RANBP2: variants seen among roughly 807,000 people sequenced by gnomAD.
The protein encoded by RANBP2 is E3 SUMO-protein ligase RanBP2.
A neutral mutation model predicts 303.6 loss-of-function variants in RANBP2; 57 were observed. The observed-to-expected ratio is 0.19, with a 90% CI of 0.15 to 0.23. The LOEUF is 0.23. Ranked by LOEUF, RANBP2 falls within the 10% of genes least tolerant of loss-of-function variation. The pLI is 1.00. For synonymous variants in RANBP2, 1,167 were observed against 1,301.5 expected, an observed-to-expected ratio of 0.90 and a Z score of 2.23; for missense variants, 3,138 against 3,780.8, an observed-to-expected ratio of 0.83 and a Z score of 4.46.
At chr2:109,737,423 C>T in the RANBP2 span, 504 of 654,456 alleles carry the variant, frequency 7.7e-4, 2 homozygotes, top group African/African-American at 3.8e-3. Context: ...GCAGCATCCA[C>T]GATTCCATCT....
the RANBP2 span, among the ~76,000 whole-genome samples, chr2:109,266,304 T>A: frequency 1.3e-5 from 2 of 151,588 alleles, no homozygotes; most frequent in East Asian, 3.9e-4. Flanking sequence ...GTGTATGTGT[T>A]GTGTGTGTGT....
the RANBP2 span, among the ~76,000 whole-genome samples, chr2:109,562,900 T>C: frequency 6.6e-6 from 1 of 151,628 alleles, no homozygotes; most frequent in Admixed American, 6.6e-5. Context: ...GTGGGTTAAG[T>C]ACACACAATG....
the RANBP2 span, among the ~76,000 whole-genome samples, chr2:108,839,605 T>C: frequency 6.6e-6 from 1 of 152,172 alleles, no homozygotes; most frequent in African/African-American, 2.4e-5. Context: ...CTTGTTTACC[T>C]TTTTGGCTGA....
At chr2:109,188,825 C>T in the RANBP2 span, among the ~76,000 whole-genome samples, 1 of 152,132 alleles carries the variant, frequency 6.6e-6, no homozygotes, top group Non-Finnish European at 1.5e-5. Flanking sequence ...ACTGTTCCTA[C>T]TTTCTAGGGT....
chr2:109,042,220 T>C, the RANBP2 span, among the ~76,000 whole-genome samples: 2 of 152,224 alleles, frequency 1.3e-5, no homozygotes, highest in African/African-American at 2.4e-5. Context: ...ACACTGAAGA[T>C]AGCATTTTAC....
chr2:109,423,637 A>G, the RANBP2 span, among the ~76,000 whole-genome samples: 111 of 152,314 alleles, frequency 7.3e-4, no homozygotes, highest in Non-Finnish European at 1.3e-3. Flanking sequence ...GAAGGCCTGG[A>G]TCAGCGAAAT....
the RANBP2 span, among the ~76,000 whole-genome samples, chr2:109,765,466 GT>G: frequency 6.6e-6 from 1 of 150,434 alleles, no homozygotes; most frequent in Non-Finnish European, 1.5e-5. Flanking sequence ...AGGACAGTGT[GT>G]TTTTTGGGAA....
the RANBP2 span, among the ~76,000 whole-genome samples, chr2:108,996,791 G>A: frequency 1.3e-5 from 2 of 152,160 alleles, no homozygotes; most frequent in Admixed American, 6.6e-5. Context: ...CACATCTGAT[G>A]CGGGCTAGGT....
At chr2:108,853,250 C>G in the RANBP2 span, among the ~76,000 whole-genome samples, 1 of 152,124 alleles carries the variant, frequency 6.6e-6, no homozygotes, top group African/African-American at 2.4e-5. Context: ...CCTGCAATAA[C>G]TATGAGGTAG....
chr2:109,682,247 A>C, the RANBP2 span, among the ~76,000 whole-genome samples: 1 of 152,244 alleles, frequency 6.6e-6, no homozygotes, highest in South Asian at 2.1e-4. Context: ...TGCTGGATAG[A>C]AACACAGGAT....
At chr2:109,415,159 C>A in the RANBP2 span, among the ~76,000 whole-genome samples, 1 of 152,190 alleles carries the variant, frequency 6.6e-6, no homozygotes, top group Non-Finnish European at 1.5e-5. Context: ...ATTGGAGTCT[C>A]CTCCAGACTC....
chr2:109,136,717 C>T, the RANBP2 span, among the ~76,000 whole-genome samples: 1 of 152,120 alleles, frequency 6.6e-6, no homozygotes, highest in African/African-American at 2.4e-5. Flanking sequence ...ATGGTATTTG[C>T]ATTTCCACTT....
the RANBP2 span, among the ~76,000 whole-genome samples, chr2:108,795,460 A>G: frequency 6.6e-6 from 1 of 152,154 alleles, no homozygotes; most frequent in Non-Finnish European, 1.5e-5. Context: ...CCCAGCCTAA[A>G]GAGTATAATT....
chr2:109,425,717 A>G, the RANBP2 span, among the ~76,000 whole-genome samples: 1 of 151,814 alleles, frequency 6.6e-6, no homozygotes, highest in Non-Finnish European at 1.5e-5. Flanking sequence ...GATTCCTTTT[A>G]AAATATTACT....
At chr2:109,628,747 A>G in the RANBP2 span, among the ~76,000 whole-genome samples, 1 of 152,184 alleles carries the variant, frequency 6.6e-6, no homozygotes, top group African/African-American at 2.4e-5. Context: ...CAATAAGATG[A>G]CATGGTACTT....
At chr2:108,930,718 A>C in the RANBP2 span, among the ~76,000 whole-genome samples, 1 of 152,286 alleles carries the variant, frequency 6.6e-6, no homozygotes, top group Admixed American at 6.5e-5. Flanking sequence ...TCACACCACA[A>C]ACAAGCAATC....
the RANBP2 span, among the ~76,000 whole-genome samples, chr2:109,304,629 G>A: frequency 6.6e-6 from 1 of 152,170 alleles, no homozygotes; most frequent in Non-Finnish European, 1.5e-5. Flanking sequence ...AGCTATTTGA[G>A]TTTGTATTTA....
chr2:109,618,661 T>C, the RANBP2 span: 1 of 167,088 alleles, frequency 6.0e-6, no homozygotes, highest in East Asian at 1.9e-4. Context: ...TAATTTGATA[T>C]TCATAGAGTT....
chr2:109,366,713 T>C, the RANBP2 span, among the ~76,000 whole-genome samples: 1,060 of 152,162 alleles, frequency 7.0e-3, 11 homozygotes, highest in African/African-American at 0.024. Context: ...ATTAGCTGCG[T>C]GTGGTGGCAC....
Sources: allele counts gnomAD v4.1 joint callset (sites outside exome capture counted in the v4.1 genomes callset), GRCh38; gene constraint gnomAD v4.1.1; transcripts MANE v1.5; gene names NCBI Gene and HGNC (gene_info 2026-07-23, HGNC 2026-07-21).